The following MBP variants were observed in gnomAD, a reference collection of about 807,000 sequenced individuals.
MBP encodes Golli-MBP.
MBP carries 16 observed loss-of-function variants against 35.8 expected under a neutral mutation model. That is an observed-to-expected ratio of 0.45 (90% confidence interval 0.30 to 0.68). MBP has a LOEUF of 0.68. MBP is among the 30% of genes least tolerant of loss of function. The probability of loss-of-function intolerance (pLI) is 0.08; values close to 1 mark genes in which losing one functional copy is unlikely to be tolerated. For missense variants in MBP, 380 were observed against 404.7 expected (o/e 0.94, Z 0.52); for synonymous variants, 143 against 159.6 (o/e 0.90, Z 0.78).
intron 2 of MBP, chr18:77,068,941 C>T: frequency 4.3e-6 from 2 of 460,868 alleles, no homozygotes; most frequent in Non-Finnish European, 8.7e-6. Flanking sequence ...CGGAGCTGAG[C>T]CTTGGGGGCC....
At chr18:76,997,899 G>C (rs1377192982) in intron 4 of MBP, among the ~76,000 whole-genome samples, 1 of 151,922 alleles carries the variant, frequency 6.6e-6, no homozygotes, top group Non-Finnish European at 1.5e-5. Flanking sequence ...AGCCAGGATG[G>C]TCTCGATCTC....
intron 2 of MBP, among the ~76,000 whole-genome samples, chr18:77,072,958 C>T (rs1187320933): frequency 6.6e-6 from 1 of 152,220 alleles, no homozygotes; most frequent in African/African-American, 2.4e-5. Flanking sequence ...TTGCTGGCAG[C>T]AACGTGTTCT....
chr18:76,993,813 A>T (rs904219853), intron 4 of MBP, among the ~76,000 whole-genome samples: 13 of 152,060 alleles, frequency 8.5e-5, no homozygotes, highest in Non-Finnish European at 1.8e-4. Flanking sequence ...TCTCACACAC[A>T]GAGGAGTGGA....
chr18:77,101,446 G>A lies in MBP; in HGVS notation c.51+3765C>T, dbSNP rs1012222611. On this transcript the variant is annotated intron_variant, in intron 2 of 8. Coordinates refer to ENST00000355994, the MANE Select transcript of MBP (RefSeq NM_001025101.2). The surrounding 1 kb of genome is among the most constrained non-coding windows in gnomAD (Gnocchi z 4.3). ...AAGGAGCGCTGTGCCCTGAACCTGC[G>A]CCTGCCTGGAGGAAGTTACACTCCA... Among the ~76,000 whole-genome samples the A allele has an allele frequency of 5.9e-5, 9 of 152,304 alleles. No individual in the cohort carries two copies. The highest frequency in any genetic ancestry group is 1.9e-4 in the East Asian group (1 of 5,182).
intron 2 of MBP, among the ~76,000 whole-genome samples, chr18:77,096,280 C>G (rs932307203): frequency 6.6e-6 from 1 of 152,188 alleles, no homozygotes; most frequent in African/African-American, 2.4e-5. Flanking sequence ...TATTTGCAAA[C>G]TAAATGTCTC....
chr18:76,995,249 C>G (rs958959045), intron 4 of MBP, among the ~76,000 whole-genome samples: 2 of 152,154 alleles, frequency 1.3e-5, no homozygotes, highest in African/African-American at 4.8e-5. Context: ...CATAGTAAAA[C>G]TGTTGATTCT....
At chr18:77,133,144 C>G (rs912061864), upstream of MBP, among the ~76,000 whole-genome samples, 3 of 152,186 alleles carry the variant, frequency 2.0e-5, no homozygotes, top group African/African-American at 7.2e-5. Flanking sequence ...CGCATCTCCC[C>G]GCGTCCTCAG....
chr18:76,996,722 G>A (rs1277317100), intron 4 of MBP, among the ~76,000 whole-genome samples: 2 of 152,070 alleles, frequency 1.3e-5, no homozygotes, highest in Non-Finnish European at 2.9e-5. Flanking sequence ...GAGGGAGGGT[G>A]CAGTGTGGAC....
chr18:77,010,110 TGGAA>T (rs1971260451), intron 4 of MBP: 1 of 595,680 alleles, frequency 1.7e-6, no homozygotes, highest in African/African-American at 1.9e-5. Context: ...TGATGGATGA[TGGAA>T]GGAAGAGCAA....
chr18:77,058,233 TGGGGATGC>T (rs1040960433), intron 3 of MBP, among the ~76,000 whole-genome samples: 30 of 151,806 alleles, frequency 2.0e-4, no homozygotes, highest in East Asian at 3.9e-4. Flanking sequence ...TCAGGGGCGG[TGGGGATGC>T]GGGGATGCGG....
At position 77,016,899 on chromosome 18, in the gene MBP, C is replaced by A; in HGVS notation, c.509G>T (p.Gly170Val). The stretch of plus-strand genomic sequence containing the variant: ...GAAGCGCCCGATGGAGTCAAGGATG[C>A]CCGTGTCTCTGTGCCTTGGGAGGAA... Reference protein sequence around the residue: ...HGFLPRHRDTGILDSIGRFFG... With the variant: ...HGFLPRHRDTVILDSIGRFFG... Residue 170 changes from glycine to valine, a missense_variant, in exon 4 of 9, where the codon GGC (glycine) becomes GTC (valine). Transcript: ENST00000355994. 6.2e-7 allele frequency: 1 copy of A among 1,614,242 alleles called. No homozygotes were observed. The highest frequency in any genetic ancestry group is 8.5e-7 in the Non-Finnish European group (1 of 1,180,050).
intron 8 of MBP, chr18:76,982,876 A>G (rs889413134): frequency 6.6e-6 from 1 of 150,722 alleles, no homozygotes. Flanking sequence ...TGATACATAG[A>G]AGCTTCCCTT....
intron 2 of MBP, among the ~76,000 whole-genome samples, chr18:77,072,460 G>C (rs1000489213): frequency 3.9e-5 from 6 of 152,176 alleles, no homozygotes; most frequent in Non-Finnish European, 7.3e-5. Flanking sequence ...CTCTGAAGCT[G>C]ATTGCCTGGG....
chr18:77,029,331 G>C (rs1448905050), intron 3 of MBP, among the ~76,000 whole-genome samples: 2 of 148,616 alleles, frequency 1.3e-5, no homozygotes, highest in Admixed American at 1.3e-4. Context: ...GAATCAGGCA[G>C]GGGGGTTGCA....
chr18:77,023,099 G>A (rs1478741516), intron 3 of MBP, among the ~76,000 whole-genome samples: 1 of 152,184 alleles, frequency 6.6e-6, no homozygotes, highest in Non-Finnish European at 1.5e-5. Context: ...TTATTGCTAG[G>A]ACAATGCTGG....
intron 2 of MBP, among the ~76,000 whole-genome samples, chr18:77,084,276 G>T (rs1045758934): frequency 1.3e-5 from 2 of 152,058 alleles, no homozygotes; most frequent in Non-Finnish European, 2.9e-5. Flanking sequence ...GAGTCACTTA[G>T]GTTAAAATGC....
Position 77,099,512 on chromosome 18 carries a change from T to C in MBP, c.51+5699A>G, listed in dbSNP as rs142067059. On this transcript the variant is annotated intron_variant, in intron 2 of 8. Transcript: ENST00000355994. The stretch of plus-strand genomic sequence containing the variant: ...CATGACATTAAAATGATTTCCCCTG[T>C]CTCTTTCCTCATTTCCTGTGGCCAC... Among the ~76,000 whole-genome samples, 1,150 of 152,348 alleles carry C rather than the reference T, an allele frequency of 7.5e-3. 12 individuals are homozygous for C. Among genetic ancestry groups the C allele is most frequent in the African/African-American group, 0.025 (1,054 of 41,582 alleles).
chr18:77,060,070 G>T (rs1267560595), intron 3 of MBP, among the ~76,000 whole-genome samples: 1 of 152,180 alleles, frequency 6.6e-6, no homozygotes, highest in Non-Finnish European at 1.5e-5. Flanking sequence ...ACTTTGGGAG[G>T]CTGAGGCCCT....
chr18:77,069,015 C>T (rs750979223), intron 2 of MBP: 7 of 484,156 alleles, frequency 1.4e-5, no homozygotes, highest in Non-Finnish European at 2.5e-5. Flanking sequence ...TTCCAGGCTC[C>T]CAGCAGCCTG....
Sources: allele counts gnomAD v4.1 joint callset (sites outside exome capture counted in the v4.1 genomes callset), GRCh38; gene constraint gnomAD v4.1.1; non-coding constraint Gnocchi (gnomAD v3.1); transcripts MANE v1.5; gene names NCBI Gene and HGNC (gene_info 2026-07-23, HGNC 2026-07-21).